The following RELN variants were observed in gnomAD, a reference collection of about 807,000 sequenced individuals.
RELN encodes the protein reelin.
In RELN, 108 loss-of-function variants were observed where a neutral mutation model predicts 427.6. The ratio of observed to expected loss-of-function variants is 0.25; its 90% CI spans 0.22 to 0.30. RELN has a LOEUF of 0.30. Among genes scored for constraint, RELN ranks in the 10% least tolerant of loss-of-function variants. The probability of loss-of-function intolerance (pLI) is 1.00; values close to 1 mark genes in which losing one functional copy is unlikely to be tolerated. For synonymous variants in RELN, 1,524 were observed against 1,513.4 expected, an observed-to-expected ratio of 1.01 and a Z score of -0.16; for missense variants, 3,715 against 4,302.8, an observed-to-expected ratio of 0.86 and a Z score of 3.82.
intron 4 of RELN, among the ~76,000 whole-genome samples, chr7:103,773,102 T>TTCTTTCTA (rs1791612867): frequency 5.0e-5 from 1 of 20,106 alleles, no homozygotes; most frequent in South Asian, 1.9e-3. Flanking sequence ...TTCTCCTCTT[T>TTCTTTCTA]TCTTTCTTTC....
chr7:103,858,119 C>T (rs578060348), intron 2 of RELN, among the ~76,000 whole-genome samples: 40 of 152,094 alleles, frequency 2.6e-4, no homozygotes, highest in African/African-American at 8.2e-4. Context: ...CTCTACAGGA[C>T]GCAGTGTAGT....
In RELN at chr7:103,772,362, C is replaced by T. The variant is rs1048488108; in HGVS notation, c.544+4195G>A. 2.0e-5 allele frequency among the ~76,000 whole-genome samples: 3 copies of T among 152,318 alleles called. 1 individual carries two copies. In the South Asian group the frequency reaches 6.2e-4, roughly 32 times the overall value. ...AATGAATGAATGCACAAGTAAGTTG[C>T]TCTCCCTGTGCCTTTGTTTCCTCAT... On this transcript the variant is annotated intron_variant, in intron 4 of 64. Coordinates refer to ENST00000428762, the MANE Select transcript of RELN (RefSeq NM_005045.4).
intron 57 of RELN, among the ~76,000 whole-genome samples, chr7:103,492,955 G>A (rs902256580): frequency 6.6e-6 from 1 of 152,170 alleles, no homozygotes; most frequent in African/African-American, 2.4e-5. Flanking sequence ...CAAGTATATC[G>A]TATATGAAAT....
chr7:103,876,780 C>CTT (rs4286), intron 2 of RELN, among the ~76,000 whole-genome samples: 5 of 150,514 alleles, frequency 3.3e-5, no homozygotes, highest in East Asian at 1.9e-4. Context: ...AATGTCTGCT[C>CTT]TTTTTTTTAA....
At chr7:103,720,564 T>C (rs1790049897) in intron 8 of RELN, among the ~76,000 whole-genome samples, 2 of 152,140 alleles carry the variant, frequency 1.3e-5, no homozygotes, top group African/African-American at 4.8e-5. Flanking sequence ...TTAGTATAGA[T>C]TTGGAGAATT....
At chr7:103,719,608 G>GAA (rs751229386) in intron 8 of RELN, among the ~76,000 whole-genome samples, 91,832 of 151,926 alleles carry the variant, frequency 0.6, 29,078 homozygotes, top group African/African-American at 0.81. Context: ...TTAAGACTGT[G>GAA]TGGTAGACAC....
chr7:103,480,831 T>C (rs1828207132), intron 63 of RELN, among the ~76,000 whole-genome samples: 1 of 152,222 alleles, frequency 6.6e-6, no homozygotes, highest in African/African-American at 2.4e-5. Context: ...GTAGCAATGC[T>C]CTTGTCTCAT....
chr7:103,655,002 G>C (rs1246017881), intron 12 of RELN, among the ~76,000 whole-genome samples: 1 of 151,898 alleles, frequency 6.6e-6, no homozygotes, highest in East Asian at 1.9e-4. Flanking sequence ...TGTAGAGACG[G>C]GGTCTCCCTA....
chr7:103,475,740 G>A (rs1828011331), intron 64 of RELN, among the ~76,000 whole-genome samples: 1 of 152,042 alleles, frequency 6.6e-6, no homozygotes, highest in African/African-American at 2.4e-5. Flanking sequence ...TACTTATTAT[G>A]GAGCTGATTG....
chr7:103,708,377 C>T (rs552629619), intron 8 of RELN, among the ~76,000 whole-genome samples: 2 of 151,922 alleles, frequency 1.3e-5, no homozygotes, highest in African/African-American at 4.8e-5. Context: ...TCCCAACAGC[C>T]TTTCTCACTT....
intron 40 of RELN, among the ~76,000 whole-genome samples, chr7:103,552,423 A>G (rs1830433781): frequency 1.3e-5 from 2 of 151,316 alleles, no homozygotes; most frequent in African/African-American, 4.9e-5. Context: ...GTGAACTTAC[A>G]TAACTTTTAA....
At chr7:103,614,092 T>G (rs937689599) in intron 20 of RELN, among the ~76,000 whole-genome samples, 6 of 152,182 alleles carry the variant, frequency 3.9e-5, no homozygotes, top group Non-Finnish European at 7.3e-5. Context: ...ATAACAGATT[T>G]TAAAGGTGCC....
intron 46 of RELN, among the ~76,000 whole-genome samples, chr7:103,534,611 C>A (rs1830010133): frequency 6.6e-6 from 1 of 152,036 alleles, no homozygotes; most frequent in Admixed American, 6.6e-5. Context: ...CCACAGCCTC[C>A]TGAGTGGCTG....
chr7:103,963,311 T>A (rs765159316), intron 1 of RELN, among the ~76,000 whole-genome samples: 4 of 152,180 alleles, frequency 2.6e-5, no homozygotes, highest in Non-Finnish European at 5.9e-5. Context: ...ATCACTTGAC[T>A]ACAAAGCATT....
chr7:103,519,276 A>G (rs1554369058), intron 49 of RELN, 47 bp downstream of exon 49: 1 of 1,446,020 alleles, frequency 6.9e-7, no homozygotes, highest in Non-Finnish European at 9.7e-7. Context: ...GCTGGTAGCA[A>G]TCTCTGCTCG....
chr7:103,705,900 G>A (rs796083542), intron 8 of RELN, among the ~76,000 whole-genome samples: 14 of 152,272 alleles, frequency 9.2e-5, no homozygotes, highest in African/African-American at 3.4e-4. Flanking sequence ...AGTTATTGGT[G>A]CATTCTATTT....
intron 1 of RELN, 57 bp from the exon 2 acceptor site, chr7:103,917,242 T>C (rs1335110512): frequency 3.9e-6 from 5 of 1,278,408 alleles, no homozygotes; most frequent in African/African-American, 1.5e-5. Context: ...ACACAATATA[T>C]TTCTGAAGTG....
chr7:103,775,515 TC>T (rs1791716066), intron 4 of RELN, among the ~76,000 whole-genome samples: 1 of 152,154 alleles, frequency 6.6e-6, no homozygotes, highest in South Asian at 2.1e-4. Flanking sequence ...TTTCCTCATT[TC>T]TCTTGAAAGC....
chr7:103,804,890 A>G (rs1311128692), intron 3 of RELN, among the ~76,000 whole-genome samples: 1 of 152,122 alleles, frequency 6.6e-6, no homozygotes, highest in East Asian at 1.9e-4. Context: ...TTTTAATGAT[A>G]GTTTTAATGT....
Sources: allele counts gnomAD v4.1 joint callset (sites outside exome capture counted in the v4.1 genomes callset), GRCh38; gene constraint gnomAD v4.1.1; transcripts MANE v1.5; gene names NCBI Gene and HGNC (gene_info 2026-07-23, HGNC 2026-07-21).